MAF: variants seen among roughly 807,000 people sequenced by gnomAD.
MAF encodes the protein transcription factor Maf.
MAF carries 10 observed loss-of-function variants against 22.0 expected under a neutral mutation model. The observed-to-expected ratio is 0.45, with a 90% CI of 0.28 to 0.77. The LOEUF is 0.77. MAF is among the 30% of genes least tolerant of loss of function. MAF has a pLI of 0.12. For missense variants in MAF, 544 were observed against 548.4 expected, an observed-to-expected ratio of 0.99 and a Z score of 0.08; for synonymous variants, 337 against 255.8, an observed-to-expected ratio of 1.32 and a Z score of -3.03.
chr16:79,269,669 G>T, the MAF span, among the ~76,000 whole-genome samples: 1 of 152,152 alleles, frequency 6.6e-6, no homozygotes, highest in Non-Finnish European at 1.5e-5. Context: ...TCTGGTTTTG[G>T]CTCATCTTCC....
chr16:79,262,624 G>A, the MAF span, among the ~76,000 whole-genome samples: 83 of 152,214 alleles, frequency 5.5e-4, no homozygotes, highest in East Asian at 0.015. Flanking sequence ...AGGGGTGGAC[G>A]TGCCCAGAGG....
At chr16:79,282,552 T>C in the MAF span, among the ~76,000 whole-genome samples, 2 of 152,276 alleles carry the variant, frequency 1.3e-5, no homozygotes, top group Non-Finnish European at 2.9e-5. Context: ...GGAATACTTA[T>C]AACTGGCCCC....
At chr16:79,491,482 A>G in the MAF span, among the ~76,000 whole-genome samples, 108,604 of 151,954 alleles carry the variant, frequency 0.71, 41,214 homozygotes, top group East Asian at 0.87. Flanking sequence ...GTCCCAGTCA[A>G]TTCTGAAGCT....
chr16:79,298,730 G>A, the MAF span, among the ~76,000 whole-genome samples: 1 of 152,256 alleles, frequency 6.6e-6, no homozygotes, highest in Admixed American at 6.5e-5. Context: ...AGGCCTTGGG[G>A]GCTGAACTTG....
the MAF span, among the ~76,000 whole-genome samples, chr16:79,366,125 C>G: frequency 6.6e-6 from 1 of 152,206 alleles, no homozygotes; most frequent in Admixed American, 6.5e-5. Context: ...AAGAACACCC[C>G]TGGTTAACCA....
chr16:79,437,171 T>TGC, the MAF span, among the ~76,000 whole-genome samples: 1 of 152,092 alleles, frequency 6.6e-6, no homozygotes, highest in African/African-American at 2.4e-5. Context: ...TGTGTGTGTG[T>TGC]GTGTGCATTT....
At chr16:79,529,782 G>A in the MAF span, among the ~76,000 whole-genome samples, 10 of 152,082 alleles carry the variant, frequency 6.6e-5, no homozygotes, top group Admixed American at 6.5e-4. Context: ...CCAATGTGGT[G>A]AAACCCCATC....
At chr16:79,524,357 T>A in the MAF span, among the ~76,000 whole-genome samples, 1 of 152,210 alleles carries the variant, frequency 6.6e-6, no homozygotes, top group African/African-American at 2.4e-5. Flanking sequence ...GGGACTGGAC[T>A]TTGAGGCTGG....
At chr16:79,559,651 T>G in the MAF span, among the ~76,000 whole-genome samples, 1 of 152,104 alleles carries the variant, frequency 6.6e-6, no homozygotes. Context: ...AAAAAACTGC[T>G]GTACATTACT....
the MAF span, among the ~76,000 whole-genome samples, chr16:79,291,234 G>T: frequency 3.9e-5 from 6 of 152,106 alleles, no homozygotes; most frequent in African/African-American, 2.4e-5. Flanking sequence ...GTGACCACTG[G>T]GAATGACATT....
In MAF at chr16:79,599,956, G is replaced by C; in HGVS notation, c.-54C>G. 1.9e-6 allele frequency: 3 copies of C among 1,596,676 alleles called. No homozygotes were observed. Among genetic ancestry groups the C allele is most frequent in the Non-Finnish European group, 1.7e-6 (2 of 1,178,812 alleles). On this transcript the variant is annotated 5_prime_UTR_variant, in exon 1 of 2. Transcript: ENST00000326043. The stretch of plus-strand genomic sequence containing the variant: ...CCGCTCCGCCAGATGGGCTGCAGGA[G>C]AGGGGCCAGCGGGCTGTGCTGGGTG...
At chr16:79,539,229 T>A in the MAF span, among the ~76,000 whole-genome samples, 1 of 152,192 alleles carries the variant, frequency 6.6e-6, no homozygotes, top group African/African-American at 2.4e-5. Context: ...TTAGGCCAGG[T>A]GTGGTGGCTC....
At chr16:79,230,265 G>A in the MAF span, among the ~76,000 whole-genome samples, 2 of 152,112 alleles carry the variant, frequency 1.3e-5, no homozygotes. Flanking sequence ...TCTGGGTTCT[G>A]ACCTTTCACC....
the MAF span, among the ~76,000 whole-genome samples, chr16:79,219,090 C>A: frequency 3.9e-5 from 6 of 152,214 alleles, no homozygotes; most frequent in Non-Finnish European, 7.3e-5. Flanking sequence ...AGGCCATGCC[C>A]TGCTGCATCT....
chr16:79,437,240 C>T, the MAF span, among the ~76,000 whole-genome samples: 2 of 152,058 alleles, frequency 1.3e-5, no homozygotes, highest in Non-Finnish European at 1.5e-5. Flanking sequence ...ACCAAATGGA[C>T]ACTTTGCTGT....
chr16:79,216,811 CT>C, the MAF span, among the ~76,000 whole-genome samples: 867 of 140,854 alleles, frequency 6.2e-3, 2 homozygotes, highest in African/African-American at 0.015. Context: ...CTATCTGCTA[CT>C]TTTTTTTTTT....
the MAF span, among the ~76,000 whole-genome samples, chr16:79,333,304 C>T: frequency 6.6e-6 from 1 of 152,146 alleles, no homozygotes; most frequent in Non-Finnish European, 1.5e-5. Context: ...AGCTCAGACT[C>T]TGGGATCAGG....
the MAF span, among the ~76,000 whole-genome samples, chr16:79,379,815 G>C: frequency 6.6e-6 from 1 of 152,152 alleles, no homozygotes; most frequent in Non-Finnish European, 1.5e-5. Context: ...AAGCGGTAAA[G>C]CTCTGTGCTT....
At chr16:79,454,859 G>A in the MAF span, among the ~76,000 whole-genome samples, 48 of 152,260 alleles carry the variant, frequency 3.2e-4, no homozygotes, top group South Asian at 9.6e-3. Context: ...CACTTTGGGA[G>A]GCCGAGGCAG....
Sources: gnomAD v4.1 joint callset for allele counts (sites outside exome capture counted in the v4.1 genomes callset) on GRCh38, gnomAD v4.1.1 for gene constraint, MANE v1.5 for transcripts, NCBI Gene and HGNC (gene_info 2026-07-23, HGNC 2026-07-21) for gene names.